Variants in NKAIN2 observed in about 807,000 individuals in gnomAD.
NKAIN2 encodes the protein sodium/potassium-transporting ATPase subunit beta-1-interacting protein 2.
Under a neutral mutation model 32.6 loss-of-function variants are expected in NKAIN2, and 14 were observed. The observed-to-expected ratio is 0.43, with a 90% CI of 0.28 to 0.67. The LOEUF (loss-of-function observed/expected upper bound fraction) is 0.67, where lower values mean the gene tolerates loss of function less well. Ranked by LOEUF, NKAIN2 falls within the 30% of genes least tolerant of loss-of-function variation. The probability of loss-of-function intolerance (pLI) is 0.17; values close to 1 mark genes in which losing one functional copy is unlikely to be tolerated. For missense variants in NKAIN2, 198 were observed against 258.3 expected (o/e 0.77, Z 1.60); for synonymous variants, 80 against 87.2 (o/e 0.92, Z 0.46).
intron 3 of NKAIN2, among the ~76,000 whole-genome samples, chr6:124,409,093 G>A (rs1056142814): frequency 5.3e-5 from 8 of 152,172 alleles, no homozygotes; most frequent in Non-Finnish European, 1.0e-4. Context: ...GAGATTGTGG[G>A]CTGAGACAAT....
At chr6:123,953,023 T>C (rs149516300) in intron 1 of NKAIN2, among the ~76,000 whole-genome samples, 98 of 152,354 alleles carry the variant, frequency 6.4e-4, no homozygotes, top group Middle Eastern at 3.4e-3. Flanking sequence ...CTGAATTTAC[T>C]TTTGTAGAAG....
chr6:123,979,643 A>C (rs1394173037), intron 1 of NKAIN2, among the ~76,000 whole-genome samples: 1 of 152,188 alleles, frequency 6.6e-6, no homozygotes, highest in Admixed American at 6.5e-5. Flanking sequence ...AAAAAATAAA[A>C]TCCCATTGCC....
At chr6:124,331,378 A>AAAAG (rs1797650992) in intron 2 of NKAIN2, among the ~76,000 whole-genome samples, 1 of 137,936 alleles carries the variant, frequency 7.2e-6, no homozygotes, top group Non-Finnish European at 1.6e-5. Context: ...AAAAAAAAAA[A>AAAAG]ACTAGCTGGG....
intron 1 of NKAIN2, among the ~76,000 whole-genome samples, chr6:124,128,999 T>C (rs572457020): frequency 8.5e-5 from 13 of 152,246 alleles, no homozygotes; most frequent in African/African-American, 3.1e-4. Context: ...GCCTGAGAAT[T>C]TGAATATCTA....
chr6:124,072,807 G>T (rs1474236625), intron 1 of NKAIN2, among the ~76,000 whole-genome samples: 4 of 151,968 alleles, frequency 2.6e-5, no homozygotes, highest in Non-Finnish European at 5.9e-5. Flanking sequence ...TACCCCTGTT[G>T]TTAACTCACA....
intron 4 of NKAIN2, among the ~76,000 whole-genome samples, chr6:124,758,642 A>G (rs1778077171): frequency 6.6e-6 from 1 of 152,062 alleles, no homozygotes; most frequent in South Asian, 2.1e-4. Context: ...TCACTGATTA[A>G]TCTCTCTGTC....
At chr6:124,817,566 T>C (rs1474304899) in intron 5 of NKAIN2, among the ~76,000 whole-genome samples, 3 of 152,202 alleles carry the variant, frequency 2.0e-5, no homozygotes, top group African/African-American at 7.2e-5. Context: ...TTTTATGGTC[T>C]GACCTTAGAA....
At chr6:123,902,013 A>C (rs1040993463) in intron 1 of NKAIN2, among the ~76,000 whole-genome samples, 29 of 152,198 alleles carry the variant, frequency 1.9e-4, no homozygotes, top group African/African-American at 6.8e-4. Flanking sequence ...ATTTTAACGA[A>C]ATAAAAATAA....
chr6:124,227,279 C>T (rs1450502735), intron 1 of NKAIN2, among the ~76,000 whole-genome samples: 1 of 151,958 alleles, frequency 6.6e-6, no homozygotes, highest in Non-Finnish European at 1.5e-5. Flanking sequence ...ACTGACTTTC[C>T]CTTCCTTTGA....
intron 1 of NKAIN2, among the ~76,000 whole-genome samples, chr6:124,254,257 G>C (rs993804518): frequency 3.3e-5 from 5 of 152,130 alleles, no homozygotes; most frequent in Non-Finnish European, 7.3e-5. Flanking sequence ...TGGCCTAAGT[G>C]TTCTACTTTC....
At chr6:124,632,797 C>CCAGA (rs1783620846) in intron 3 of NKAIN2, among the ~76,000 whole-genome samples, 1 of 152,244 alleles carries the variant, frequency 6.6e-6, no homozygotes, top group African/African-American at 2.4e-5. Context: ...CAGGCTAAAA[C>CCAGA]CAGACAGGAG....
intron 4 of NKAIN2, among the ~76,000 whole-genome samples, chr6:124,704,788 A>T (rs1562333922): frequency 6.6e-6 from 1 of 151,950 alleles, no homozygotes; most frequent in Non-Finnish European, 1.5e-5. Flanking sequence ...TCCTGATAGA[A>T]CCAGAGCGTC....
At chr6:124,736,991 C>A (rs547569264) in intron 4 of NKAIN2, among the ~76,000 whole-genome samples, 1 of 151,760 alleles carries the variant, frequency 6.6e-6, no homozygotes, top group Non-Finnish European at 1.5e-5. Context: ...AAATTGAAAA[C>A]CTTCTGCAAA....
At chr6:124,208,990 A>C (rs76554054) in intron 1 of NKAIN2, among the ~76,000 whole-genome samples, 5,618 of 151,420 alleles carry the variant, frequency 0.037, 352 homozygotes, top group African/African-American at 0.13. Context: ...CACTCTTTTA[A>C]TTATTTTAAA....
At chr6:124,652,756 C>G (rs1273537920) in intron 3 of NKAIN2, among the ~76,000 whole-genome samples, 1 of 152,118 alleles carries the variant, frequency 6.6e-6, no homozygotes, top group African/African-American at 2.4e-5. Flanking sequence ...AAAGGCCAGT[C>G]TCACCCTTTT....
Position 123,893,586 on chromosome 6 carries a change from G to C in NKAIN2, c.54+89332G>C, listed in dbSNP as rs1013230227. ...ACTCATTTTAAAGGATTAGGCCATT[G>C]AGGCAATTGATGCCTGCAGCTTGTA... On this transcript the variant is annotated intron_variant, in intron 1 of 6. Coordinates refer to ENST00000368417, the MANE Select transcript of NKAIN2 (RefSeq NM_001040214.3). Among the ~76,000 whole-genome samples, 5 of 152,200 alleles carry C rather than the reference G, an allele frequency of 3.3e-5. 1 individual carries two copies. The highest frequency in any genetic ancestry group is 1.2e-4 in the African/African-American group (5 of 41,454).
intron 1 of NKAIN2, among the ~76,000 whole-genome samples, chr6:124,001,837 G>A (rs7743079): frequency 0.051 from 6,342 of 124,780 alleles, 490 homozygotes; most frequent in African/African-American, 0.19. Flanking sequence ...ATATATGCAA[G>A]CATAAATGTG....
chr6:124,296,050 T>A (rs576339381), intron 2 of NKAIN2, among the ~76,000 whole-genome samples: 3 of 152,200 alleles, frequency 2.0e-5, no homozygotes, highest in East Asian at 1.9e-4. Flanking sequence ...ATTATAAATT[T>A]AAAAAATTGT....
At chr6:124,666,507 C>A (rs887868643) in intron 4 of NKAIN2, among the ~76,000 whole-genome samples, 2 of 152,128 alleles carry the variant, frequency 1.3e-5, no homozygotes, top group African/African-American at 4.8e-5. Context: ...TTTAACTTTC[C>A]AATCTATTCT....
Sources: allele counts gnomAD v4.1 joint callset (sites outside exome capture counted in the v4.1 genomes callset), GRCh38; gene constraint gnomAD v4.1.1; transcripts MANE v1.5; gene names NCBI Gene and HGNC (gene_info 2026-07-23, HGNC 2026-07-21).